Variants in PHKB observed in about 807,000 individuals in gnomAD.
PHKB encodes phosphorylase kinase regulatory subunit beta.
In PHKB, 122 loss-of-function variants were observed where a neutral mutation model predicts 152.1. The ratio of observed to expected loss-of-function variants is 0.80; its 90% CI spans 0.69 to 0.93. The LOEUF (loss-of-function observed/expected upper bound fraction) is 0.93, where lower values mean the gene tolerates loss of function less well. Ranked by LOEUF, PHKB falls within the 40% of genes least tolerant of loss-of-function variation. The pLI, the probability that PHKB is intolerant of heterozygous loss-of-function variation, is 0.00. For synonymous variants in PHKB, 436 were observed against 464.9 expected, an observed-to-expected ratio of 0.94 and a Z score of 0.80; for missense variants, 1,304 against 1,328.4, an observed-to-expected ratio of 0.98 and a Z score of 0.29.
At chr16:47,611,973 A>G (rs1279246694) in intron 14 of PHKB, among the ~76,000 whole-genome samples, 2 of 152,194 alleles carry the variant, frequency 1.3e-5, no homozygotes, top group African/African-American at 2.4e-5. Flanking sequence ...TCATGTTGGT[A>G]CAATTGGCAG....
intron 4 of PHKB, 34 bp downstream of exon 4, chr16:47,503,124 A>G (rs756202883): frequency 3.9e-6 from 5 of 1,267,964 alleles, no homozygotes; most frequent in Non-Finnish European, 3.5e-6. Context: ...GAATTCTCCC[A>G]TCATTCTGAA....
intron 15 of PHKB, 76 bp downstream of exon 15, chr16:47,641,166 A>C (rs1043820228): frequency 2.2e-5 from 24 of 1,101,840 alleles, no homozygotes; most frequent in Non-Finnish European, 3.3e-5. Context: ...TATGTTTACA[A>C]TATTGATTAT....
intron 20 of PHKB, among the ~76,000 whole-genome samples, chr16:47,657,339 A>G (rs908596974): frequency 6.6e-6 from 1 of 152,192 alleles, no homozygotes; most frequent in Non-Finnish European, 1.5e-5. Context: ...TATGATACAC[A>G]AGGTTTTTGA....
chr16:47,680,484 G>T (rs957291312), intron 26 of PHKB, among the ~76,000 whole-genome samples: 5 of 152,072 alleles, frequency 3.3e-5, no homozygotes, highest in Non-Finnish European at 5.9e-5. Context: ...AGGTTCTTCT[G>T]GTTTAGTCTT....
intron 1 of PHKB, among the ~76,000 whole-genome samples, chr16:47,476,446 T>TA (rs776238115): frequency 9.2e-5 from 14 of 152,168 alleles, no homozygotes; most frequent in Non-Finnish European, 1.6e-4. Context: ...CAATTCTTAA[T>TA]AGGCTTGTAG....
intron 26 of PHKB, among the ~76,000 whole-genome samples, chr16:47,688,092 A>G (rs992752588): frequency 1.8e-4 from 27 of 152,222 alleles, no homozygotes; most frequent in Non-Finnish European, 8.8e-5. Flanking sequence ...GAAGAGAAAG[A>G]GAAGGCGTGG....
intron 26 of PHKB, among the ~76,000 whole-genome samples, chr16:47,684,962 G>T (rs1004858292): frequency 1.3e-5 from 2 of 152,072 alleles, no homozygotes; most frequent in African/African-American, 4.8e-5. Flanking sequence ...GCTTGTTGGC[G>T]AGTAGAGCAT....
chr16:47,646,518 C>A (rs1597147805), intron 16 of PHKB, among the ~76,000 whole-genome samples: 3 of 100,992 alleles, frequency 3.0e-5, no homozygotes, highest in African/African-American at 8.0e-5. Context: ...TACCCTAAAA[C>A]TTAGAGTATA....
intron 26 of PHKB, among the ~76,000 whole-genome samples, chr16:47,687,840 A>G (rs2142100808): frequency 6.6e-6 from 1 of 152,288 alleles, no homozygotes; most frequent in Non-Finnish European, 1.5e-5. Flanking sequence ...AGCTTGATAC[A>G]TGTTACCCTG....
chr16:47,510,491 G>A (rs1040718858), intron 4 of PHKB, among the ~76,000 whole-genome samples: 3 of 152,176 alleles, frequency 2.0e-5, no homozygotes, highest in Admixed American at 1.3e-4. Context: ...TTTTGCCCCT[G>A]TTGCTCAGGA....
At chr16:47,688,645 T>A (rs1409769159) in intron 26 of PHKB, among the ~76,000 whole-genome samples, 2 of 152,016 alleles carry the variant, frequency 1.3e-5, no homozygotes, top group African/African-American at 4.8e-5. Flanking sequence ...CTCAGCCTAT[T>A]TCTTGAAATG....
intron 8 of PHKB, 124 bp from the exon 9 acceptor site, chr16:47,587,544 T>C (rs1417421958): frequency 1.5e-6 from 1 of 673,490 alleles, no homozygotes; most frequent in Non-Finnish European, 2.7e-6. Context: ...TTAAATCTTC[T>C]GGAACTCCAC....
intron 10 of PHKB, among the ~76,000 whole-genome samples, chr16:47,589,879 G>T (rs1971998298): frequency 6.6e-6 from 1 of 152,106 alleles, no homozygotes; most frequent in Non-Finnish European, 1.5e-5. Context: ...CCACCTCCTG[G>T]GTTCAAGCAA....
chr16:47,463,758 AAG>A, intron 1 of PHKB: 1 of 633,068 alleles, frequency 1.6e-6, no homozygotes, highest in South Asian at 1.9e-5. Context: ...CAAGTCATAA[AAG>A]AGAAAATAAA....
chr16:47,614,012 A>G (rs1972473590), intron 14 of PHKB, among the ~76,000 whole-genome samples: 1 of 152,192 alleles, frequency 6.6e-6, no homozygotes, highest in Non-Finnish European at 1.5e-5. Flanking sequence ...AAGAGGTTTA[A>G]TTGGCTCATG....
At chr16:47,511,534 C>T (rs759977041) in intron 4 of PHKB, 131 bp from the exon 5 acceptor site, 10 of 689,762 alleles carry the variant, frequency 1.4e-5, no homozygotes, top group Admixed American at 4.6e-5. Context: ...GAAAAGGTAA[C>T]GTTTCTGCTT....
intron 3 of PHKB, among the ~76,000 whole-genome samples, chr16:47,502,675 T>C (rs1342392628): frequency 1.3e-5 from 2 of 152,224 alleles, no homozygotes; most frequent in Non-Finnish European, 2.9e-5. Context: ...AACAATCTGT[T>C]GGTGGATTTT....
At chr16:47,635,188 A>G (rs367732293) in intron 14 of PHKB, among the ~76,000 whole-genome samples, 4 of 152,188 alleles carry the variant, frequency 2.6e-5, no homozygotes, top group African/African-American at 9.7e-5. Context: ...CATACAGTAT[A>G]CTATAATGGA....
chr16:47,529,310 CA>C (rs1280038484), intron 6 of PHKB: 1 of 150,904 alleles, frequency 6.6e-6, no homozygotes, highest in Non-Finnish European at 1.5e-5. Context: ...GGCAATAAAG[CA>C]AGAACTCATC....
Sources: gnomAD v4.1 joint callset for allele counts (sites outside exome capture counted in the v4.1 genomes callset) on GRCh38, gnomAD v4.1.1 for gene constraint, MANE v1.5 for transcripts, NCBI Gene and HGNC (gene_info 2026-07-23, HGNC 2026-07-21) for gene names.